FAM168A: variants seen among roughly 807,000 people sequenced by gnomAD.
FAM168A encodes the protein family with sequence similarity 168 member A, also known as protein FAM168A.
A neutral mutation model predicts 28.5 loss-of-function variants in FAM168A; 3 were observed. That is an observed-to-expected ratio of 0.11 (90% CI 0.05 to 0.27). The LOEUF is 0.27. FAM168A is among the 10% of genes least tolerant of loss of function. The pLI, the probability that FAM168A is intolerant of heterozygous loss-of-function variation, is 1.00. For synonymous variants in FAM168A, 122 were observed against 124.2 expected (o/e 0.98, Z 0.12); for missense variants, 222 against 311.5 (o/e 0.71, Z 2.16).
chr11:73,420,527 G>A (rs1866773509), intron 3 of FAM168A, among the ~76,000 whole-genome samples: 1 of 152,258 alleles, frequency 6.6e-6, no homozygotes, highest in Non-Finnish European at 1.5e-5. Context: ...GGCCATGGTA[G>A]CTTAAAAGGC....
At chr11:73,592,664 G>T (rs117810604) in intron 1 of FAM168A, among the ~76,000 whole-genome samples, 3,908 of 151,988 alleles carry the variant, frequency 0.026, 76 homozygotes, top group Non-Finnish European at 0.037. Flanking sequence ...GGAAGGAGAA[G>T]AACGGGGAGG....
chr11:73,442,086 G>A (rs1050252619), intron 2 of FAM168A, among the ~76,000 whole-genome samples: 10 of 150,658 alleles, frequency 6.6e-5, no homozygotes, highest in Non-Finnish European at 1.3e-4. Flanking sequence ...AGTGTGTTAA[G>A]GTGAAAGATT....
At chr11:73,450,715 G>A (rs77708271) in intron 2 of FAM168A, among the ~76,000 whole-genome samples, 2,244 of 148,492 alleles carry the variant, frequency 0.015, 40 homozygotes, top group Non-Finnish European at 0.018. Flanking sequence ...GTTTCAACTG[G>A]TTTCTTTTTA....
At chr11:73,420,265 G>A (rs541095351) in intron 3 of FAM168A, among the ~76,000 whole-genome samples, 3 of 152,284 alleles carry the variant, frequency 2.0e-5, no homozygotes, top group East Asian at 3.9e-4. Context: ...CCACAAAGAT[G>A]CCCATGAATA....
At chr11:73,538,782 T>A (rs1267618377) in intron 1 of FAM168A, among the ~76,000 whole-genome samples, 1 of 152,176 alleles carries the variant, frequency 6.6e-6, no homozygotes, top group Non-Finnish European at 1.5e-5. Context: ...GTCTTCATTG[T>A]CATGGCTTGC....
At chr11:73,549,691 G>T (rs756312183) in intron 1 of FAM168A, among the ~76,000 whole-genome samples, 5 of 152,164 alleles carry the variant, frequency 3.3e-5, no homozygotes, top group Non-Finnish European at 7.3e-5. Context: ...CACAGAGCTT[G>T]TTCTACCTTA....
At chr11:73,429,982 A>G (rs968367455) in intron 3 of FAM168A, among the ~76,000 whole-genome samples, 1 of 152,156 alleles carries the variant, frequency 6.6e-6, no homozygotes, top group Non-Finnish European at 1.5e-5. Context: ...TGAGTTGGGT[A>G]ATCAGGATTC....
chr11:73,546,154 C>G (rs996199403), intron 1 of FAM168A, among the ~76,000 whole-genome samples: 1 of 152,118 alleles, frequency 6.6e-6, no homozygotes, highest in Non-Finnish European at 1.5e-5. Flanking sequence ...AGATTGACAA[C>G]CACAGATTGA....
chr11:73,451,604 C>A (rs747656356), intron 2 of FAM168A, among the ~76,000 whole-genome samples: 15 of 152,120 alleles, frequency 9.9e-5, no homozygotes, highest in Non-Finnish European at 1.8e-4. Context: ...TATAATACTG[C>A]ATTTTTACTG....
chr11:73,414,723 C>T (rs1264299578), intron 4 of FAM168A, among the ~76,000 whole-genome samples: 1 of 152,214 alleles, frequency 6.6e-6, no homozygotes, highest in Non-Finnish European at 1.5e-5. Flanking sequence ...ATTATTTTCT[C>T]TCTCACTTTA....
In FAM168A at chr11:73,570,866, A is replaced by T. The variant is rs1008662717; in HGVS notation, c.-19+27057T>A. ...TAATATGATAAAGTAACTCAGGCTGATTCTGACTGGGGCCTATGGAAACCC... is the reference window on the plus strand; with the variant it reads ...TAATATGATAAAGTAACTCAGGCTGTTTCTGACTGGGGCCTATGGAAACCC... On this transcript the variant is annotated intron_variant, in intron 1 of 7. Transcript: ENST00000356467. Among the ~76,000 whole-genome samples the T allele has an allele frequency of 2.1e-4, 32 of 152,340 alleles. No homozygotes were observed. In the East Asian group the frequency reaches 6.2e-3, roughly 29 times the overall value.
intron 3 of FAM168A, among the ~76,000 whole-genome samples, chr11:73,422,300 G>C (rs1177632050): frequency 6.6e-6 from 1 of 152,080 alleles, no homozygotes; most frequent in Non-Finnish European, 1.5e-5. Context: ...ATATTTTTCT[G>C]AATAAAAATA....
chr11:73,431,208 G>C (rs1224341717), intron 2 of FAM168A, among the ~76,000 whole-genome samples: 1 of 152,076 alleles, frequency 6.6e-6, no homozygotes, highest in African/African-American at 2.4e-5. Flanking sequence ...CAGGCGTGGT[G>C]GTGGGCGCCT....
intron 1 of FAM168A, among the ~76,000 whole-genome samples, chr11:73,527,764 G>C (rs1242415142): frequency 6.6e-6 from 1 of 151,692 alleles, no homozygotes; most frequent in Non-Finnish European, 1.5e-5. Flanking sequence ...CCTGTTCTAT[G>C]CTAAATGACA....
intron 2 of FAM168A, among the ~76,000 whole-genome samples, chr11:73,458,120 G>T (rs1867574255): frequency 6.6e-6 from 1 of 152,122 alleles, no homozygotes; most frequent in Non-Finnish European, 1.5e-5. Context: ...TCTGTTGTGG[G>T]CACAAGAAGT....
At chr11:73,499,947 C>T (rs945182187) in intron 1 of FAM168A, among the ~76,000 whole-genome samples, 5 of 152,268 alleles carry the variant, frequency 3.3e-5, no homozygotes. Context: ...GGAAAACACA[C>T]TCCAGGATAT....
intron 1 of FAM168A, among the ~76,000 whole-genome samples, chr11:73,471,906 C>A (rs1867819504): frequency 6.6e-6 from 1 of 152,098 alleles, no homozygotes; most frequent in Non-Finnish European, 1.5e-5. Context: ...CAGCACCAGT[C>A]CATTCCATGG....
chr11:73,461,393 C>T (rs1565255866), intron 2 of FAM168A, among the ~76,000 whole-genome samples: 1 of 152,164 alleles, frequency 6.6e-6, no homozygotes, highest in East Asian at 1.9e-4. Flanking sequence ...GCTGGGATTA[C>T]AGGTATGAGC....
At chr11:73,502,079 C>T (rs372517209) in intron 1 of FAM168A, among the ~76,000 whole-genome samples, 6 of 137,550 alleles carry the variant, frequency 4.4e-5, no homozygotes, top group Non-Finnish European at 7.6e-5. Flanking sequence ...CCAGCTTGGG[C>T]GACAGATCAA....
Sources: allele counts gnomAD v4.1 joint callset (sites outside exome capture counted in the v4.1 genomes callset), GRCh38; gene constraint gnomAD v4.1.1; transcripts MANE v1.5; gene names NCBI Gene and HGNC (gene_info 2026-07-23, HGNC 2026-07-21).